Variants in TMEM68 observed in about 807,000 individuals in gnomAD.
TMEM68 encodes the protein transmembrane protein 68, also known as DGAT1/2-independent enzyme synthesizing storage lipids.
In TMEM68, 25 loss-of-function variants were observed where a neutral mutation model predicts 36.9. That is an observed-to-expected ratio of 0.68 (90% CI 0.49 to 0.95). TMEM68 has a LOEUF of 0.95. Ranked by LOEUF, TMEM68 falls within the 40% of genes least tolerant of loss-of-function variation. TMEM68 has a pLI of 0.00. For missense variants in TMEM68, 333 were observed against 392.0 expected (o/e 0.85, Z 1.27); for synonymous variants, 131 against 124.4 (o/e 1.05, Z -0.35).
chr8:55,754,647 T>C (rs1460843174), intron 4 of TMEM68, among the ~76,000 whole-genome samples: 1 of 128,698 alleles, frequency 7.8e-6, no homozygotes, highest in African/African-American at 3.0e-5. Flanking sequence ...ATAATATATA[T>C]TTATATTATA....
intron 7 of TMEM68, among the ~76,000 whole-genome samples, chr8:55,742,716 T>C (rs1810140657): frequency 6.6e-6 from 1 of 151,878 alleles, no homozygotes; most frequent in Non-Finnish European, 1.5e-5. Flanking sequence ...ATTCATCCCA[T>C]TTTCTAAGTG....
rs768812913 is a variant in TMEM68 at position 55,749,880 on chromosome 8, GTTT to G, written c.687+1081_687+1083del. On this transcript the variant is annotated intron_variant, in intron 5 of 7. Coordinates refer to ENST00000434581, the MANE Select transcript of TMEM68 (RefSeq NM_001286657.2). Reference sequence around the variant, plus strand: ...ATAAAAATCTCAATTAAATTATCTAGTTTATTTAAATTAATTATCTGGAAACTC... The same window carrying G: ...ATAAAAATCTCAATTAAATTATCTAGATTTAAATTAATTATCTGGAAACTC... 3.6e-3 allele frequency among the ~76,000 whole-genome samples: 554 copies of G among 152,102 alleles called. 2 individuals carry two copies. Among genetic ancestry groups the G allele is most frequent in the Non-Finnish European group, 6.6e-3 (450 of 68,018 alleles).
chr8:55,743,833 G>A (rs1381488162), intron 6 of TMEM68, among the ~76,000 whole-genome samples: 1 of 151,890 alleles, frequency 6.6e-6, no homozygotes, highest in Non-Finnish European at 1.5e-5. Context: ...AGAAACTAGG[G>A]GATGGTGAGA....
At position 55,739,461 on chromosome 8, in the gene TMEM68, T is replaced by C. The variant is rs538591503; in HGVS notation, c.*671A>G. On this transcript the variant is annotated 3_prime_UTR_variant, in exon 8 of 8. Coordinates refer to ENST00000434581, the MANE Select transcript of TMEM68 (RefSeq NM_001286657.2). ...TTCAATTTAAAAAATAATACATCTTTTTCATTGTGCTTGGCAACTGGACAT... is the reference window on the plus strand; with the variant it reads ...TTCAATTTAAAAAATAATACATCTTCTTCATTGTGCTTGGCAACTGGACAT... 1.4e-5 allele frequency: 2 copies of C among 147,054 alleles called. No homozygotes were observed. Among genetic ancestry groups the C allele is most frequent in the South Asian group, 4.4e-4 (2 of 4,506 alleles). The allele number at this position is 147,054 out of a possible 1,614,324, so 9.1% of individuals were successfully genotyped here. A position where few individuals can be genotyped will look rare whatever the true frequency, so the allele number is the denominator to read the frequency against.
chr8:55,772,186 T>C (rs138807210), intron 1 of TMEM68, among the ~76,000 whole-genome samples: 81 of 152,302 alleles, frequency 5.3e-4, no homozygotes, highest in Non-Finnish European at 9.6e-4. Context: ...GAGGTGGGAA[T>C]AAACATTTGA....
At chr8:55,770,583 A>G (rs1410079263) in intron 1 of TMEM68, among the ~76,000 whole-genome samples, 2 of 152,092 alleles carry the variant, frequency 1.3e-5, no homozygotes, top group African/African-American at 4.8e-5. Flanking sequence ...CCAAGGCAGG[A>G]GGACTGCTTG....
intron 1 of TMEM68, among the ~76,000 whole-genome samples, chr8:55,772,081 A>T (rs1811190727): frequency 6.6e-6 from 1 of 152,160 alleles, no homozygotes; most frequent in Non-Finnish European, 1.5e-5. Context: ...AATGCTGCAC[A>T]TCTATACTGG....
chr8:55,771,441 A>AACAC (rs10612593), intron 1 of TMEM68, among the ~76,000 whole-genome samples: 76 of 149,454 alleles, frequency 5.1e-4, no homozygotes, highest in Admixed American at 8.0e-4. Context: ...GTCTCTACAA[A>AACAC]ACACACACAC....
intron 4 of TMEM68, among the ~76,000 whole-genome samples, chr8:55,753,099 C>A (rs1810467391): frequency 6.6e-6 from 1 of 151,676 alleles, no homozygotes; most frequent in Admixed American, 6.6e-5. Context: ...GACTTAAGGT[C>A]TTAGTGTCTT....
Position 55,751,020 on chromosome 8 carries a change from T to C in TMEM68, c.631A>G (p.Asn211Asp), listed in dbSNP as rs750209514. 1.9e-6 allele frequency: 3 copies of C among 1,613,936 alleles called. No homozygotes were observed. Among genetic ancestry groups the C allele is most frequent in the South Asian group, 1.1e-5 (1 of 91,072 alleles). Residue 211 changes from asparagine to aspartate, a missense_variant, in exon 5 of 8, where the codon AAC becomes GAC. Asn to Asp is a conservative substitution (Grantham distance 23). Coordinates refer to ENST00000434581, the MANE Select transcript of TMEM68 (RefSeq NM_001286657.2). The part of the protein sequence containing the change: ...REALISDETY[N>D]IVWGHRRGFA... Reference sequence around the variant, plus strand: ...CCTCTGCGATGACCCCATACGATGTTATAAGTTTCATCACTAATTAGGGCT... The same window carrying C: ...CCTCTGCGATGACCCCATACGATGTCATAAGTTTCATCACTAATTAGGGCT...
intron 7 of TMEM68, among the ~76,000 whole-genome samples, chr8:55,741,271 GT>G (rs1400075669): frequency 1.3e-5 from 2 of 152,004 alleles, no homozygotes; most frequent in Non-Finnish European, 2.9e-5. Flanking sequence ...CTAAACCACA[GT>G]TTTCATACCT....
At chr8:55,753,801 T>A (rs1000608617) in intron 4 of TMEM68, among the ~76,000 whole-genome samples, 2 of 152,156 alleles carry the variant, frequency 1.3e-5, no homozygotes, top group African/African-American at 4.8e-5. Context: ...TTAAAAAAAA[T>A]ATAAGGTCGG....
intron 5 of TMEM68, among the ~76,000 whole-genome samples, chr8:55,748,811 G>A (rs917810482): frequency 1.3e-5 from 2 of 151,998 alleles, no homozygotes; most frequent in South Asian, 2.1e-4. Flanking sequence ...GGCTGGTCTC[G>A]AACTCCTGGC....
intron 4 of TMEM68, among the ~76,000 whole-genome samples, chr8:55,754,831 TATATTATGTAA>T (rs1810547297): frequency 7.5e-6 from 1 of 132,632 alleles, no homozygotes; most frequent in Non-Finnish European, 1.6e-5. Flanking sequence ...ATAAAATACA[TATATTATGTAA>T]TATATATTTA....
Position 55,743,575 on chromosome 8 carries a change from G to A in TMEM68, c.794C>T (p.Pro265Leu), listed in dbSNP as rs1272352802. 1 of 1,535,556 alleles carries A rather than the reference G, an allele frequency of 6.5e-7. No individual in the cohort carries two copies. The highest frequency in any genetic ancestry group is 8.7e-7 in the Non-Finnish European group (1 of 1,146,632). The change falls in exon 7 of 8, where the codon CCA becomes CTA. Residue 265 changes from proline (P) to leucine (L), a missense_variant. Pro to Leu is a moderately conservative substitution (Grantham distance 98). Transcript: ENST00000434581. ...LYEKFRYPFA[P>L]MYGGFPVKLR... Reference sequence around the variant, plus strand: ...CTTCACTGGAAAACCTCCATACATTGGAGCAAATGGATAGCGGAATTTTTC... The same window carrying A: ...CTTCACTGGAAAACCTCCATACATTAGAGCAAATGGATAGCGGAATTTTTC...
Position 55,743,527 on chromosome 8 carries a change from G to T in TMEM68, c.842C>A (p.Pro281His). Residue 281 changes from proline to histidine, a missense_variant, in exon 7 of 8, where the codon CCC becomes CAC. By Grantham distance (77) the Pro-to-His change is moderately conservative (BLOSUM62 -2). Coordinates refer to ENST00000434581, the MANE Select transcript of TMEM68 (RefSeq NM_001286657.2). ...PVKLRTYLGD[P>H]IPYDPQITAE... ...TGTTATCTGTGGGTCATACGGAATGGGGTCGCCTAAATAGGTCCGTAACTT... is the reference window on the plus strand; with the variant it reads ...TGTTATCTGTGGGTCATACGGAATGTGGTCGCCTAAATAGGTCCGTAACTT... 1 of 1,535,778 alleles carries T rather than the reference G, an allele frequency of 6.5e-7. No individual in the cohort carries two copies. Among genetic ancestry groups the T allele is most frequent in the South Asian group, 1.2e-5 (1 of 84,016 alleles).
intron 3 of TMEM68, chr8:55,760,752 A>C (rs1810764276): frequency 6.6e-6 from 1 of 152,270 alleles, no homozygotes; most frequent in African/African-American, 2.4e-5. Flanking sequence ...GTATGAAATA[A>C]GCTACTCAAA....
intron 2 of TMEM68, among the ~76,000 whole-genome samples, 187 bp from the exon 3 acceptor site, chr8:55,763,215 G>A (rs952333252): frequency 1.3e-5 from 2 of 152,120 alleles, no homozygotes; most frequent in African/African-American, 4.8e-5. Context: ...GAAGTATGTC[G>A]TGTTTAGCTT....
chr8:55,755,975 A>ATAC (rs1421744891), intron 4 of TMEM68, among the ~76,000 whole-genome samples: 1 of 151,920 alleles, frequency 6.6e-6, no homozygotes. Context: ...TATGCCATAA[A>ATAC]TACAATTTTC....
Sources: allele counts gnomAD v4.1 joint callset (sites outside exome capture counted in the v4.1 genomes callset), GRCh38; gene constraint gnomAD v4.1.1; transcripts MANE v1.5; gene names NCBI Gene and HGNC (gene_info 2026-07-23, HGNC 2026-07-21).